Variants in PCDH11X observed in about 807,000 individuals in gnomAD.
PCDH11X encodes protocadherin 11 X-linked, also known as protocadherin-11 X-linked.
A neutral mutation model predicts 53.3 loss-of-function variants in PCDH11X; 18 were observed. The observed-to-expected ratio is 0.34, with a 90% confidence interval of 0.23 to 0.50. The LOEUF is 0.50. Ranked by LOEUF, PCDH11X falls within the 20% of genes least tolerant of loss-of-function variation. The pLI, the probability that PCDH11X is intolerant of heterozygous loss-of-function variation, is 0.98. For synonymous variants in PCDH11X, 279 were observed against 393.3 expected, an observed-to-expected ratio of 0.71 and a Z score of 3.44; for missense variants, 570 against 1,032.4, an observed-to-expected ratio of 0.55 and a Z score of 6.14.
At chrX:92,086,313 G>A (rs1484554677) in intron 6 of PCDH11X, among the ~76,000 whole-genome samples, 1 of 111,017 alleles carries the variant, frequency 9.0e-6, no homozygotes, top group Non-Finnish European at 1.9e-5. Flanking sequence ...TTCAGGAATT[G>A]CATATTAAAT....
At chrX:92,526,248 G>A (rs1337466484) in intron 10 of PCDH11X, among the ~76,000 whole-genome samples, 3 of 111,033 alleles carry the variant, frequency 2.7e-5, no homozygotes, top group African/African-American at 9.8e-5. Context: ...ATGAAGTGAA[G>A]AAAAGAAGAA....
chrX:92,065,551 C>A lies in PCDH11X; in HGVS notation c.3034-135824C>A, dbSNP rs769978483. On this transcript the variant is annotated intron_variant, in intron 6 of 10. Coordinates refer to ENST00000682573, the MANE Select transcript of PCDH11X (RefSeq NM_032968.5). Reference sequence around the variant, plus strand: ...GTTATTGCCTGACTTTTGGATAAAACCCACTTAAACTGGGGTGATGTCTCA... The same window carrying A: ...GTTATTGCCTGACTTTTGGATAAAAACCACTTAAACTGGGGTGATGTCTCA... Among the ~76,000 whole-genome samples, 50 of 111,762 alleles carry A rather than the reference C, an allele frequency of 4.5e-4. No individual in the cohort carries two copies. The Middle Eastern group carries it at 0.019, about 42-fold the overall frequency.
intron 10 of PCDH11X, among the ~76,000 whole-genome samples, chrX:92,581,733 A>G (rs1382270516): frequency 9.0e-6 from 1 of 111,704 alleles, no homozygotes; most frequent in African/African-American, 3.3e-5. Context: ...AGAGATTGGA[A>G]CAGTTTGGAG....
At chrX:92,383,773 C>T (rs1453724575) in intron 8 of PCDH11X, among the ~76,000 whole-genome samples, 6 of 111,664 alleles carry the variant, frequency 5.4e-5, no homozygotes, top group Non-Finnish European at 1.1e-4. Flanking sequence ...GTGAACAGTG[C>T]CGCAATAAAC....
intron 8 of PCDH11X, among the ~76,000 whole-genome samples, chrX:92,295,739 TTGTGTGTGTGTGTGTGTGTGTGTG>T (rs58402010): frequency 7.0e-5 from 5 of 71,552 alleles, no homozygotes; most frequent in Non-Finnish European, 1.1e-4. Context: ...ACAGGTGTGT[TTGTGTGTGTGTGTGTGTGTGTGTG>T]TGTGTGTGTG....
intron 6 of PCDH11X, among the ~76,000 whole-genome samples, chrX:91,917,589 A>G (rs1417489200): frequency 3.9e-5 from 4 of 102,093 alleles, no homozygotes; most frequent in Admixed American, 1.1e-4. Context: ...AAAAAAAAAA[A>G]AAAAAAATTC....
chrX:92,589,738 C>T (rs1406014345), intron 10 of PCDH11X, among the ~76,000 whole-genome samples: 1 of 111,414 alleles, frequency 9.0e-6, no homozygotes, highest in Non-Finnish European at 1.9e-5. Flanking sequence ...ACCCCCCCAT[C>T]TTACCTTTCC....
chrX:92,329,171 TA>T (rs1435221162), intron 8 of PCDH11X, among the ~76,000 whole-genome samples: 1 of 111,195 alleles, frequency 9.0e-6, no homozygotes. Flanking sequence ...ATTAACAGAC[TA>T]AAAAAGAAAA....
chrX:92,506,545 C>G (rs1467835427), intron 10 of PCDH11X, among the ~76,000 whole-genome samples: 3 of 104,368 alleles, frequency 2.9e-5, no homozygotes, highest in African/African-American at 1.0e-4. Flanking sequence ...TTTTTTATTT[C>G]CATATGTTGC....
intron 10 of PCDH11X, among the ~76,000 whole-genome samples, chrX:92,574,826 T>C (rs895622053): frequency 1.1e-4 from 12 of 111,127 alleles, no homozygotes; most frequent in African/African-American, 3.9e-4. Context: ...GAGAGGTAGA[T>C]GTTCTGCATT....
At chrX:92,528,475 T>C (rs2074498747) in intron 10 of PCDH11X, among the ~76,000 whole-genome samples, 1 of 110,683 alleles carries the variant, frequency 9.0e-6, no homozygotes, top group Non-Finnish European at 1.9e-5. Flanking sequence ...TATTTTTTAG[T>C]AGAGAGGGGG....
chrX:92,271,540 C>T (rs1259899546), intron 8 of PCDH11X, among the ~76,000 whole-genome samples: 2 of 111,951 alleles, frequency 1.8e-5, no homozygotes, highest in African/African-American at 6.5e-5. Context: ...TCATTAGTTA[C>T]TTGGGGCATG....
intron 8 of PCDH11X, among the ~76,000 whole-genome samples, chrX:92,272,970 C>T (rs942983996): frequency 8.9e-6 from 1 of 112,584 alleles, no homozygotes; most frequent in Non-Finnish European, 1.9e-5. Context: ...ATCTGGCTTA[C>T]TCATTTAGGT....
At chrX:91,809,209 T>A (rs1188183452) in intron 1 of PCDH11X, among the ~76,000 whole-genome samples, 2 of 111,703 alleles carry the variant, frequency 1.8e-5, no homozygotes, top group African/African-American at 3.2e-5. Context: ...AACTTTAGAC[T>A]TTTTTATCTT....
At chrX:92,316,243 G>T (rs895747710) in intron 8 of PCDH11X, among the ~76,000 whole-genome samples, 2 of 109,812 alleles carry the variant, frequency 1.8e-5, no homozygotes, top group African/African-American at 6.6e-5. Context: ...TTAATGTTTT[G>T]CCTAGAATTT....
intron 1 of PCDH11X, among the ~76,000 whole-genome samples, chrX:91,799,163 T>C (rs922758931): frequency 9.0e-6 from 1 of 110,880 alleles, no homozygotes; most frequent in African/African-American, 3.3e-5. Flanking sequence ...TAATTGAAAT[T>C]AAAATTTTAG....
chrX:92,352,463 G>T (rs1457976544), intron 8 of PCDH11X, among the ~76,000 whole-genome samples: 4 of 111,301 alleles, frequency 3.6e-5, no homozygotes, highest in Non-Finnish European at 7.5e-5. Context: ...CTTAATAATT[G>T]ACCTTCTGAA....
At chrX:92,275,983 C>A (rs181704634) in intron 8 of PCDH11X, among the ~76,000 whole-genome samples, 1 of 109,882 alleles carries the variant, frequency 9.1e-6, no homozygotes, top group Non-Finnish European at 1.9e-5. Context: ...CAATGAGATG[C>A]GGCTATAGTC....
intron 8 of PCDH11X, 25 bp from the exon 9 acceptor site, chrX:92,387,710 C>A (rs1284162146): frequency 1.7e-6 from 2 of 1,211,802 alleles, no homozygotes; most frequent in Admixed American, 4.3e-5. Flanking sequence ...ATCTGAAACC[C>A]TGTAATTTTC....
Sources: gnomAD v4.1 joint callset for allele counts (sites outside exome capture counted in the v4.1 genomes callset) on GRCh38, gnomAD v4.1.1 for gene constraint, MANE v1.5 for transcripts, NCBI Gene and HGNC (gene_info 2026-07-23, HGNC 2026-07-21) for gene names.